The following ZNF415 variants were observed in gnomAD, a reference collection of about 807,000 sequenced individuals.
ZNF415 encodes the protein zinc finger protein 415.
Under a neutral mutation model 7.3 loss-of-function variants are expected in ZNF415, and 5 were observed. The ratio of observed to expected loss-of-function variants is 0.69; its 90% confidence interval spans 0.36 to 1.44. ZNF415 has a LOEUF of 1.44. ZNF415 is among the 40% of genes most tolerant of loss of function. ZNF415 has a pLI of 0.04. For synonymous variants in ZNF415, 207 were observed against 226.3 expected, an observed-to-expected ratio of 0.91 and a Z score of 0.77; for missense variants, 628 against 664.8, an observed-to-expected ratio of 0.94 and a Z score of 0.61.
Position 53,122,753 on chromosome 19 carries a change from A to T in ZNF415, c.-67-10T>A. 4 of 1,595,972 alleles carry T rather than the reference A, an allele frequency of 2.5e-6. No individual in the cohort carries two copies. The highest frequency in any genetic ancestry group is 3.4e-6 in the Non-Finnish European group (4 of 1,164,474). On this transcript the variant is annotated splice_polypyrimidine_tract_variant and intron_variant, in intron 1 of 3. Coordinates refer to ENST00000243643, the MANE Select transcript of ZNF415 (RefSeq NM_018355.4). ...TCTTTGGAAGTCAATGCTGAATAAC[A>T]ACAACAAGTGCTGTTTATTGCTTAG...
intron 3 of ZNF415, 82 bp from the exon 4 acceptor site, chr19:53,109,990 A>G: frequency 8.7e-7 from 1 of 1,152,224 alleles, no homozygotes; most frequent in Non-Finnish European, 1.2e-6. Flanking sequence ...GAATTACACA[A>G]AAAGCAACAT....
rs1555793062 is a variant in ZNF415, at chr19:53,127,884, A to AG, written c.-68+4971_-68+4972insC. Among the ~76,000 whole-genome samples, 157 of 149,286 alleles carry AG rather than the reference A, an allele frequency of 1.1e-3. 1 individual carries two copies. The highest frequency in any genetic ancestry group is 3.5e-3 in the African/African-American group (145 of 41,008). ...GAGCGAGACACCGTCTCAAAAAAAA[A>AG]AAAAAGAAAAAGAAAAAGAAAAAGA... On this transcript the variant is annotated intron_variant, in intron 1 of 3. Coordinates refer to ENST00000243643, the MANE Select transcript of ZNF415 (RefSeq NM_018355.4).
chr19:53,117,373 G>A (rs1233772819), intron 2 of ZNF415, among the ~76,000 whole-genome samples: 1 of 150,654 alleles, frequency 6.6e-6, no homozygotes, highest in Non-Finnish European at 1.5e-5. Flanking sequence ...TCTGGGAGGT[G>A]GAGGTTGCGG....
At chr19:53,121,711 C>T (rs1019507105) in intron 2 of ZNF415, among the ~76,000 whole-genome samples, 1 of 151,994 alleles carries the variant, frequency 6.6e-6, no homozygotes, top group South Asian at 2.1e-4. Context: ...CCTGAGCCAC[C>T]GTGCTCGGCC....
At chr19:53,113,506 C>CAA (rs1176054018) in intron 3 of ZNF415, among the ~76,000 whole-genome samples, 1 of 62,146 alleles carries the variant, frequency 1.6e-5, no homozygotes, top group Non-Finnish European at 3.6e-5. Context: ...AACTCCGTCT[C>CAA]AAAAAAAAAA....
intron 1 of ZNF415, among the ~76,000 whole-genome samples, chr19:53,130,066 C>CAA (rs11314090): frequency 3.2e-5 from 4 of 123,454 alleles, no homozygotes; most frequent in African/African-American, 5.9e-5. Flanking sequence ...CTCCAGCTCA[C>CAA]AAAAAAAAAA....
chr19:53,114,550 T>C (rs58014188), intron 3 of ZNF415, among the ~76,000 whole-genome samples: 23,743 of 152,192 alleles, frequency 0.16, 2,407 homozygotes, highest in African/African-American at 0.29. Flanking sequence ...CACATTCATA[T>C]AGCAGTGAGA....
chr19:53,121,667 C>T (rs1026773244), intron 2 of ZNF415, among the ~76,000 whole-genome samples: 3 of 151,878 alleles, frequency 2.0e-5, no homozygotes, highest in Non-Finnish European at 4.4e-5. Context: ...CAATGATCCG[C>T]TCACCTCGGC....
At chr19:53,130,656 TG>T (rs1458259725) in intron 1 of ZNF415, among the ~76,000 whole-genome samples, 1 of 152,124 alleles carries the variant, frequency 6.6e-6, no homozygotes, top group African/African-American at 2.4e-5. Flanking sequence ...ACACTTTTTT[TG>T]TTTGTTCTTT....
chr19:53,112,608 A>G (rs1006470049), intron 3 of ZNF415, among the ~76,000 whole-genome samples: 1 of 152,202 alleles, frequency 6.6e-6, no homozygotes, highest in African/African-American at 2.4e-5. Flanking sequence ...GTCCTGTGGC[A>G]ATTGGGGTTT....
At chr19:53,121,155 G>T (rs1281222328) in intron 2 of ZNF415, among the ~76,000 whole-genome samples, 2 of 150,958 alleles carry the variant, frequency 1.3e-5, no homozygotes, top group East Asian at 2.0e-4. Flanking sequence ...CAGCACTTTG[G>T]GAGGCCGAGG....
chr19:53,130,459 AAC>A (rs1408799310), intron 1 of ZNF415, among the ~76,000 whole-genome samples: 3 of 152,212 alleles, frequency 2.0e-5, no homozygotes, highest in Non-Finnish European at 4.4e-5. Flanking sequence ...AAAAATTGAA[AAC>A]ACATTATATT....
chr19:53,129,159 G>A lies in ZNF415; in HGVS notation c.-68+3697C>T, dbSNP rs192558113. Among the ~76,000 whole-genome samples the A allele has an allele frequency of 7.9e-3, 1,204 of 152,300 alleles. 7 individuals are homozygous for A. The highest frequency in any genetic ancestry group is 0.011 in the Non-Finnish European group (734 of 68,020). ...AAGCAGGGACAACGACCCGTGACAGGAAGGGTTTTGACATTTGGGAAAAGA... is the reference window on the plus strand; with the variant it reads ...AAGCAGGGACAACGACCCGTGACAGAAAGGGTTTTGACATTTGGGAAAAGA... On this transcript the variant is annotated intron_variant, in intron 1 of 3. Transcript: ENST00000243643.
intron 3 of ZNF415, among the ~76,000 whole-genome samples, chr19:53,114,269 T>C (rs1286027706): frequency 1.3e-5 from 2 of 152,050 alleles, no homozygotes; most frequent in East Asian, 1.9e-4. Context: ...CTCCGCCTCC[T>C]GGGGTCATGT....
intron 1 of ZNF415, among the ~76,000 whole-genome samples, chr19:53,131,883 G>T (rs768643250): frequency 1.3e-5 from 2 of 151,718 alleles, no homozygotes; most frequent in Non-Finnish European, 2.9e-5. Context: ...GCCTCCCCGT[G>T]CTGTGGTTCT....
intron 1 of ZNF415, among the ~76,000 whole-genome samples, chr19:53,126,477 C>T (rs900481584): frequency 7.0e-6 from 1 of 143,410 alleles, no homozygotes; most frequent in Non-Finnish European, 1.6e-5. Flanking sequence ...AGACCCAGAT[C>T]CTTGGGTCTT....
chr19:53,122,349 G>A (rs2088236150), intron 2 of ZNF415: 25 of 1,507,262 alleles, frequency 1.7e-5, no homozygotes, highest in South Asian at 2.4e-5. Flanking sequence ...GCATCCAAAT[G>A]TGGCCCCTGA....
rs2088766914 is a variant in ZNF415 at position 53,124,829 on chromosome 19, CA to C, written c.-67-2087del. Among the ~76,000 whole-genome samples, 10 of 152,074 alleles carry C rather than the reference CA, an allele frequency of 6.6e-5. No homozygotes were observed. The South Asian group carries it at 2.1e-3, about 32-fold the overall frequency. On this transcript the variant is annotated intron_variant, in intron 1 of 3. Coordinates refer to ENST00000243643, the MANE Select transcript of ZNF415 (RefSeq NM_018355.4). ...AAAGAAGAAAGAAAATCTCCAGAGA[CA>C]AGGTGCAGAATAGAAAAATAGGAGA...
intron 1 of ZNF415, chr19:53,123,563 G>A (rs759364394): frequency 1.4e-4 from 57 of 398,692 alleles, no homozygotes; most frequent in Admixed American, 7.9e-4. Context: ...CTTGAGGCAG[G>A]AGCAAGCTCG....
Sources: allele counts gnomAD v4.1 joint callset (sites outside exome capture counted in the v4.1 genomes callset), GRCh38; gene constraint gnomAD v4.1.1; transcripts MANE v1.5; gene names NCBI Gene and HGNC (gene_info 2026-07-23, HGNC 2026-07-21).